The following ERBB4 variants were observed in gnomAD, a reference collection of about 807,000 sequenced individuals.
ERBB4 encodes the protein erb-b2 receptor tyrosine kinase 4.
In ERBB4, 42 loss-of-function variants were observed where a neutral mutation model predicts 158.0. That is an observed-to-expected ratio of 0.27 (90% CI 0.21 to 0.34). ERBB4 has a LOEUF of 0.34. Ranked by LOEUF, ERBB4 falls within the 10% of genes least tolerant of loss-of-function variation. The pLI is 1.00. For synonymous variants in ERBB4, 583 were observed against 558.7 expected (o/e 1.04, Z -0.61); for missense variants, 1,333 against 1,624.1 (o/e 0.82, Z 3.08).
chr2:212,210,908 T>G (rs1051519725), intron 1 of ERBB4, among the ~76,000 whole-genome samples: 3 of 152,088 alleles, frequency 2.0e-5, no homozygotes, highest in Non-Finnish European at 4.4e-5. Context: ...TAGAACATTC[T>G]CACTTGGCAT....
At chr2:212,351,795 T>C (rs1249690609) in intron 1 of ERBB4, among the ~76,000 whole-genome samples, 1 of 152,188 alleles carries the variant, frequency 6.6e-6, no homozygotes, top group East Asian at 1.9e-4. Flanking sequence ...CTATGTATTA[T>C]ACTGAGATAA....
rs547252285 is a variant in ERBB4, at chr2:212,538,474, G to A, written c.57C>T (p.Thr19=). 1 of 1,613,934 alleles carries A rather than the reference G, an allele frequency of 6.2e-7. No homozygotes were observed. The highest frequency in any genetic ancestry group is 1.3e-5 in the African/African-American group (1 of 75,042). The stretch of plus-strand genomic sequence containing the variant: ...CTGACTGAGAATCGCTGGGCTGGAC[G>A]GTCCCCGCCGCCACGAGAAGGCTCA... ...VWVSLLVAAG[T]VQPSDSQSVC... The change falls in exon 1 of 28, where the codon ACC becomes ACT. Residue 19 remains threonine (T), a synonymous_variant. Transcript: ENST00000342788.
At chr2:211,816,184 A>G (rs1220715996) in intron 3 of ERBB4, among the ~76,000 whole-genome samples, 1 of 152,190 alleles carries the variant, frequency 6.6e-6, no homozygotes, top group Non-Finnish European at 1.5e-5. Context: ...ACCTTAATAC[A>G]GTGTACAATG....
intron 19 of ERBB4, among the ~76,000 whole-genome samples, chr2:211,589,271 G>T (rs751912952): frequency 1.3e-4 from 20 of 152,222 alleles, no homozygotes; most frequent in Non-Finnish European, 2.1e-4. Context: ...AGTAATTGAT[G>T]ATCTCTTCTT....
At chr2:211,612,282 C>T (rs911443911) in intron 19 of ERBB4, among the ~76,000 whole-genome samples, 2 of 151,978 alleles carry the variant, frequency 1.3e-5, no homozygotes, top group Non-Finnish European at 2.9e-5. Context: ...ATTCTGTCTC[C>T]TATGTGCTGA....
At chr2:211,548,505 A>G (rs183898906) in intron 20 of ERBB4, among the ~76,000 whole-genome samples, 1 of 152,276 alleles carries the variant, frequency 6.6e-6, no homozygotes, top group East Asian at 1.9e-4. Context: ...CCAACTCTCC[A>G]TCACACTGTA....
intron 1 of ERBB4, among the ~76,000 whole-genome samples, chr2:212,321,101 A>G (rs934602779): frequency 2.0e-5 from 3 of 150,338 alleles, no homozygotes; most frequent in African/African-American, 7.3e-5. Flanking sequence ...AATCATCTAC[A>G]TTAAATAAAA....
chr2:211,712,031 A>T lies in ERBB4; in HGVS notation c.1124+19T>A. ...GTCTACACTTTGTAAAATAACTTGCACAAAAATTTAATACTGACCCATGAA... is the reference window on the plus strand; with the variant it reads ...GTCTACACTTTGTAAAATAACTTGCTCAAAAATTTAATACTGACCCATGAA... On this transcript the variant is annotated intron_variant, in intron 9 of 27. Coordinates refer to ENST00000342788, the MANE Select transcript of ERBB4 (RefSeq NM_005235.3). 6.2e-7 allele frequency: 1 copy of T among 1,605,920 alleles called. No individual in the cohort carries two copies. The highest frequency in any genetic ancestry group is 1.1e-5 in the South Asian group (1 of 90,916).
intron 1 of ERBB4, among the ~76,000 whole-genome samples, chr2:212,136,754 C>T (rs2080283550): frequency 6.6e-6 from 1 of 152,046 alleles, no homozygotes; most frequent in African/African-American, 2.4e-5. Flanking sequence ...ATTTAACGAC[C>T]CTTTTAAAAT....
At chr2:212,315,216 C>T (rs746974278) in intron 1 of ERBB4, among the ~76,000 whole-genome samples, 2 of 151,214 alleles carry the variant, frequency 1.3e-5, no homozygotes, top group Non-Finnish European at 3.0e-5. Context: ...TTATTTTGCT[C>T]CTCTGATTTT....
intron 1 of ERBB4, among the ~76,000 whole-genome samples, chr2:212,152,655 A>C (rs2080908722): frequency 6.6e-6 from 1 of 152,120 alleles, no homozygotes; most frequent in South Asian, 2.1e-4. Context: ...TTCAGCCCAC[A>C]TCATTCTTTC....
chr2:212,516,578 A>T (rs753313086), intron 1 of ERBB4, among the ~76,000 whole-genome samples: 1 of 152,144 alleles, frequency 6.6e-6, no homozygotes, highest in Non-Finnish European at 1.5e-5. Context: ...TCTCATATAT[A>T]TTAGAAACAG....
chr2:211,709,662 G>A (rs377689734), intron 9 of ERBB4, among the ~76,000 whole-genome samples: 1 of 151,970 alleles, frequency 6.6e-6, no homozygotes, highest in Non-Finnish European at 1.5e-5. Context: ...TAAATCAAAG[G>A]ATTGAGTCAT....
chr2:212,361,117 G>T (rs946018276), intron 1 of ERBB4, among the ~76,000 whole-genome samples: 11 of 151,438 alleles, frequency 7.3e-5, no homozygotes, highest in African/African-American at 2.7e-4. Context: ...CTATCCCCAA[G>T]GTCCATAAAG....
intron 1 of ERBB4, among the ~76,000 whole-genome samples, chr2:212,348,176 T>C (rs977131098): frequency 6.6e-6 from 1 of 152,072 alleles, no homozygotes; most frequent in Non-Finnish European, 1.5e-5. Context: ...ACTGAGCTCA[T>C]ACCCTCAAGT....
At chr2:212,302,619 G>C (rs914144853) in intron 1 of ERBB4, among the ~76,000 whole-genome samples, 11 of 151,506 alleles carry the variant, frequency 7.3e-5, no homozygotes, top group African/African-American at 2.7e-4. Context: ...TATTAGGGAA[G>C]CAGTATCTCA....
intron 20 of ERBB4, among the ~76,000 whole-genome samples, chr2:211,448,544 G>T (rs2064168560): frequency 6.6e-6 from 1 of 151,882 alleles, no homozygotes; most frequent in African/African-American, 2.4e-5. Flanking sequence ...TAATGAAGGT[G>T]CAAAGGCATA....
chr2:211,631,512 A>C (rs1308321782), intron 16 of ERBB4, among the ~76,000 whole-genome samples: 2 of 152,220 alleles, frequency 1.3e-5, no homozygotes, highest in Non-Finnish European at 1.5e-5. Context: ...AAAAGGGATT[A>C]AGAAGAGATT....
intron 3 of ERBB4, among the ~76,000 whole-genome samples, chr2:211,925,931 T>C (rs2080009710): frequency 6.6e-6 from 1 of 152,134 alleles, no homozygotes; most frequent in Admixed American, 6.5e-5. Context: ...TCTACTCCCT[T>C]GCCCCAATTA....
Sources: allele counts gnomAD v4.1 joint callset (sites outside exome capture counted in the v4.1 genomes callset), GRCh38; gene constraint gnomAD v4.1.1; transcripts MANE v1.5; gene names NCBI Gene and HGNC (gene_info 2026-07-23, HGNC 2026-07-21).